Variants in RRAGC observed in about 807,000 individuals in gnomAD.
RRAGC encodes Ras related GTP binding C, also known as ras-related GTP-binding protein C.
RRAGC carries 8 observed loss-of-function variants against 37.1 expected under a neutral mutation model. The ratio of observed to expected loss-of-function variants is 0.22; its 90% CI spans 0.13 to 0.39. RRAGC has a LOEUF of 0.39. RRAGC is among the 10% of genes least tolerant of loss of function. RRAGC has a pLI of 1.00. For missense variants in RRAGC, 342 were observed against 497.6 expected, an observed-to-expected ratio of 0.69 and a Z score of 2.98; for synonymous variants, 190 against 181.1, an observed-to-expected ratio of 1.05 and a Z score of -0.39.
intron 5 of RRAGC, among the ~76,000 whole-genome samples, chr1:38,849,911 A>G (rs1425364801): frequency 6.6e-6 from 1 of 152,156 alleles, no homozygotes; most frequent in African/African-American, 2.4e-5. Context: ...TTGATTATGT[A>G]AAGAATTAAA....
chr1:38,851,733 G>C lies in RRAGC; in HGVS notation c.781C>G (p.Leu261Val), dbSNP rs774081544. The C allele has an allele frequency of 6.2e-7, 1 of 1,609,856 alleles. No homozygotes were observed. Among genetic ancestry groups the C allele is most frequent in the Non-Finnish European group, 8.5e-7 (1 of 1,178,788 alleles). The change falls in exon 5 of 7, where the codon CTC becomes GTC. Residue 261 changes from leucine (L) to valine (V), a missense_variant. Leu to Val is a conservative substitution (Grantham distance 32). Coordinates refer to ENST00000373001, the MANE Select transcript of RRAGC (RefSeq NM_022157.4). Reference sequence around the variant, plus strand: ...TAGATTTTGCTGACAACATCAAAGAGAAAAGCTTTTTCAATACCTGAATTC... The same window carrying C: ...TAGATTTTGCTGACAACATCAAAGACAAAAGCTTTTTCAATACCTGAATTC... ...ISNSGIEKAF[L>V]FDVVSKIYIA...
At chr1:38,854,731 G>C (rs973667250) in intron 3 of RRAGC, among the ~76,000 whole-genome samples, 3 of 152,064 alleles carry the variant, frequency 2.0e-5, no homozygotes, top group African/African-American at 4.8e-5. Flanking sequence ...GAGACTTTTC[G>C]ACATGGTTTC....
At chr1:38,853,692 A>G (rs1642129965) in intron 3 of RRAGC, among the ~76,000 whole-genome samples, 4 of 151,728 alleles carry the variant, frequency 2.6e-5, no homozygotes, top group Admixed American at 2.6e-4. Flanking sequence ...GGTTGCGGTG[A>G]GCCGAGATGG....
At chr1:38,839,751 G>T in intron 6 of RRAGC, 47 bp from the exon 7 acceptor site, 1 of 1,588,934 alleles carries the variant, frequency 6.3e-7, no homozygotes, top group African/African-American at 1.3e-5. Context: ...TGTCAATTGT[G>T]AAATTTTATA....
In RRAGC at chr1:38,839,539, C is replaced by T. The variant is rs764704610; in HGVS notation, c.*14G>A. On this transcript the variant is annotated 3_prime_UTR_variant, in exon 7 of 7. Coordinates refer to ENST00000373001, the MANE Select transcript of RRAGC (RefSeq NM_022157.4). ...AGAGTAAGCTGGCACAGAGCCCCGA[C>T]GCTGGGATTCAGACTAGATGGCGTT... 82 of 1,613,342 alleles carry T rather than the reference C, an allele frequency of 5.1e-5. No homozygotes were observed. The highest frequency in any genetic ancestry group is 2.1e-4 in the South Asian group (19 of 91,060).
At chr1:38,851,490 G>A in intron 5 of RRAGC, 125 bp downstream of exon 5, 4 of 803,668 alleles carry the variant, frequency 5.0e-6, no homozygotes, top group East Asian at 3.1e-5. Flanking sequence ...AAAGCACTAT[G>A]GTCAGAACAA....
At chr1:38,849,814 C>T (rs1642076203) in intron 5 of RRAGC, among the ~76,000 whole-genome samples, 2 of 152,100 alleles carry the variant, frequency 1.3e-5, no homozygotes. Flanking sequence ...AAAGAAAAAG[C>T]AAACGTTCTA....
At chr1:38,856,465 T>G (rs999679746) in intron 2 of RRAGC, among the ~76,000 whole-genome samples, 5 of 152,190 alleles carry the variant, frequency 3.3e-5, no homozygotes, top group Non-Finnish European at 7.3e-5. Context: ...CCATAAATGT[T>G]TGTTGAGCTA....
intron 6 of RRAGC, among the ~76,000 whole-genome samples, chr1:38,842,563 G>A (rs982665383): frequency 6.6e-6 from 1 of 152,118 alleles, no homozygotes; most frequent in African/African-American, 2.4e-5. Flanking sequence ...TCCACAGACC[G>A]GTGCCAGCCA....
chr1:38,844,165 T>G (rs1642000433), intron 6 of RRAGC, among the ~76,000 whole-genome samples: 1 of 151,916 alleles, frequency 6.6e-6, no homozygotes, highest in African/African-American at 2.4e-5. Flanking sequence ...CAGGAGAAAC[T>G]CGCGTAACTA....
chr1:38,853,993 G>A (rs1348793654), intron 3 of RRAGC, among the ~76,000 whole-genome samples: 1 of 151,454 alleles, frequency 6.6e-6, no homozygotes, highest in African/African-American at 2.4e-5. Flanking sequence ...GGGCATTTTA[G>A]TAAACTGAGT....
intron 3 of RRAGC, among the ~76,000 whole-genome samples, chr1:38,854,065 C>CTTT (rs58058501): frequency 2.7e-5 from 2 of 74,816 alleles, no homozygotes; most frequent in East Asian, 3.0e-4. Context: ...AAATAAAAGT[C>CTTT]TTTTTTTTTT....
In RRAGC at chr1:38,859,655, A is replaced by T; in HGVS notation, c.-9T>A. 1 of 1,539,360 alleles carries T rather than the reference A, an allele frequency of 6.5e-7. No individual in the cohort carries two copies. On this transcript the variant is annotated 5_prime_UTR_variant, in exon 1 of 7. Coordinates refer to ENST00000373001, the MANE Select transcript of RRAGC (RefSeq NM_022157.4). Reference sequence around the variant, plus strand: ...CCGTACTGCAGGGACATGGTGCTGGAGCCGCCGCCGCCCGCGCCCTGACAG... The same window carrying T: ...CCGTACTGCAGGGACATGGTGCTGGTGCCGCCGCCGCCCGCGCCCTGACAG...
chr1:38,848,871 C>T lies in RRAGC; in HGVS notation c.899+2744G>A, dbSNP rs1472637532. 2.6e-5 allele frequency among the ~76,000 whole-genome samples: 4 copies of T among 152,110 alleles called. No homozygotes were observed. In the East Asian group the frequency reaches 7.7e-4, roughly 29 times the overall value. ...AAAAGGCCAGCTGCAATGGTTCACACTTGTAATCCCAGCACTTTGGGAAAC... is the reference window on the plus strand; with the variant it reads ...AAAAGGCCAGCTGCAATGGTTCACATTTGTAATCCCAGCACTTTGGGAAAC... On this transcript the variant is annotated intron_variant, in intron 5 of 6. Transcript: ENST00000373001.
chr1:38,856,485 T>C (rs1056618307), intron 2 of RRAGC, among the ~76,000 whole-genome samples: 1 of 152,222 alleles, frequency 6.6e-6, no homozygotes, highest in South Asian at 2.1e-4. Flanking sequence ...AAACTCAATT[T>C]TGACAATTAA....
chr1:38,842,185 T>C lies in RRAGC; in HGVS notation c.1049-2481A>G, dbSNP rs530100908. 1.7e-4 allele frequency among the ~76,000 whole-genome samples: 26 copies of C among 152,212 alleles called. No homozygotes were observed. In the South Asian group the frequency reaches 4.4e-3, roughly 25 times the overall value. On this transcript the variant is annotated intron_variant, in intron 6 of 6. Coordinates refer to ENST00000373001, the MANE Select transcript of RRAGC (RefSeq NM_022157.4). Reference sequence around the variant, plus strand: ...TACTTGGGAGGCTGAGGCAGGAGAATGGCATGAACCCGGGAGGCGGAGCTT... The same window carrying C: ...TACTTGGGAGGCTGAGGCAGGAGAACGGCATGAACCCGGGAGGCGGAGCTT...
chr1:38,848,829 T>G (rs1484433994), intron 5 of RRAGC, among the ~76,000 whole-genome samples: 1 of 150,484 alleles, frequency 6.6e-6, no homozygotes, highest in Non-Finnish European at 1.5e-5. Flanking sequence ...TACAAAAAAG[T>G]AAAATTAAAA....
In RRAGC at chr1:38,859,510, GCC is replaced by G; in HGVS notation, c.135_136del (p.Ala46ArgfsTer12). ...CGGACCACAGCCACCGCCTGCCCCT[GCC>G]CCAACCCCTCCGCCCGCCGCCGCCG... On this transcript the variant is annotated frameshift_variant, in exon 1 of 7. Transcript: ENST00000373001. LOFTEE classifies it high-confidence loss of function. The G allele has an allele frequency of 6.5e-7, 1 of 1,546,622 alleles. No homozygotes were observed. Among genetic ancestry groups the G allele is most frequent in the Non-Finnish European group, 8.7e-7 (1 of 1,146,038 alleles).
chr1:38,851,541 T>C (rs1642101106), intron 5 of RRAGC, 74 bp downstream of exon 5: 5 of 1,330,888 alleles, frequency 3.8e-6, no homozygotes, highest in Non-Finnish European at 5.0e-6. Context: ...GCCTCAGAAA[T>C]TAGTCTTCTG....
Sources: gnomAD v4.1 joint callset for allele counts (sites outside exome capture counted in the v4.1 genomes callset) on GRCh38, gnomAD v4.1.1 for gene constraint, MANE v1.5 for transcripts, NCBI Gene and HGNC (gene_info 2026-07-23, HGNC 2026-07-21) for gene names.